Variants in MYCBP2 observed in about 807,000 individuals in gnomAD.
The protein encoded by MYCBP2 is E3 ubiquitin-protein ligase MYCBP2.
A neutral mutation model predicts 525.3 loss-of-function variants in MYCBP2; 120 were observed. The ratio of observed to expected loss-of-function variants is 0.23; its 90% CI spans 0.20 to 0.27. The LOEUF is 0.27. Ranked by LOEUF, MYCBP2 falls within the 10% of genes least tolerant of loss-of-function variation. The pLI, the probability that MYCBP2 is intolerant of heterozygous loss-of-function variation, is 1.00. For missense variants in MYCBP2, 4,149 were observed against 5,657.1 expected, an observed-to-expected ratio of 0.73 and a Z score of 8.55; for synonymous variants, 1,894 against 1,955.8, an observed-to-expected ratio of 0.97 and a Z score of 0.83.
chr13:77,160,800 T>A (rs1444916983), intron 44 of MYCBP2, among the ~76,000 whole-genome samples: 3 of 152,202 alleles, frequency 2.0e-5, no homozygotes, highest in Non-Finnish European at 4.4e-5. Context: ...CATGGCAGAA[T>A]TAGAAAAACT....
At chr13:77,305,847 A>G (rs1161955843) in intron 1 of MYCBP2, among the ~76,000 whole-genome samples, 1 of 152,166 alleles carries the variant, frequency 6.6e-6, no homozygotes, top group Non-Finnish European at 1.5e-5. Context: ...ACCACTAGTG[A>G]TGAAACTCCT....
chr13:77,203,474 G>A (rs868628380), intron 26 of MYCBP2, among the ~76,000 whole-genome samples: 44 of 152,026 alleles, frequency 2.9e-4, no homozygotes, highest in Non-Finnish European at 5.9e-4. Context: ...TACTGCCCAA[G>A]GTAATTTACA....
At chr13:77,183,962 C>T (rs112588163) in intron 32 of MYCBP2, among the ~76,000 whole-genome samples, 9 of 152,198 alleles carry the variant, frequency 5.9e-5, no homozygotes, top group African/African-American at 2.2e-4. Flanking sequence ...CAACTTTTAG[C>T]TGTGTTAATT....
chr13:77,102,368 T>C (rs1293753508), intron 55 of MYCBP2, among the ~76,000 whole-genome samples: 2 of 151,730 alleles, frequency 1.3e-5, no homozygotes, highest in South Asian at 2.1e-4. Flanking sequence ...AGCTGTTTTA[T>C]CTATTTCTAA....
intron 55 of MYCBP2, among the ~76,000 whole-genome samples, chr13:77,107,247 A>G (rs2047995995): frequency 6.6e-6 from 1 of 152,154 alleles, no homozygotes; most frequent in Non-Finnish European, 1.5e-5. Flanking sequence ...TTTATAGTTG[A>G]GGATATTTGA....
intron 7 of MYCBP2, 119 bp from the exon 8 acceptor site, chr13:77,268,056 T>G (rs1311095515): frequency 3.3e-6 from 2 of 602,418 alleles, no homozygotes; most frequent in Non-Finnish European, 5.9e-6. Context: ...TATTGATGTC[T>G]AAAAGATATT....
intron 31 of MYCBP2, 52 bp from the exon 32 acceptor site, chr13:77,185,429 T>C (rs2154252077): frequency 6.5e-6 from 10 of 1,534,720 alleles, no homozygotes; most frequent in Middle Eastern, 2.1e-4. Context: ...TAAATATGCA[T>C]GAAAACAATC....
intron 62 of MYCBP2, among the ~76,000 whole-genome samples, 166 bp from the exon 63 acceptor site, chr13:77,083,358 T>C (rs1478632431): frequency 1.3e-5 from 2 of 152,174 alleles, no homozygotes; most frequent in Non-Finnish European, 2.9e-5. Flanking sequence ...TATGCTTGTA[T>C]TATTTTAGGG....
chr13:77,199,743 C>T (rs1053145061), intron 26 of MYCBP2, among the ~76,000 whole-genome samples: 2 of 152,142 alleles, frequency 1.3e-5, no homozygotes, highest in Non-Finnish European at 2.9e-5. Flanking sequence ...CCCTGACCCT[C>T]CAGCAGCCTA....
At chr13:77,166,597 T>TAC in intron 40 of MYCBP2, 43 bp from the exon 41 acceptor site, 7 of 1,263,524 alleles carry the variant, frequency 5.5e-6, no homozygotes, top group Non-Finnish European at 5.7e-6. Flanking sequence ...GATATATATA[T>TAC]ACACAAACAT....
At chr13:77,147,704 C>T (rs1473843161) in intron 47 of MYCBP2, among the ~76,000 whole-genome samples, 1 of 152,098 alleles carries the variant, frequency 6.6e-6, no homozygotes, top group African/African-American at 2.4e-5. Flanking sequence ...ATCCATGTTT[C>T]TAGACTTTCA....
At position 77,168,489 on chromosome 13, in the gene MYCBP2, C is replaced by A. The variant is rs765020400; in HGVS notation, c.6053G>T (p.Ser2018Ile). Residue 2018 changes from serine to isoleucine, a missense_variant, in exon 40 of 83, where the codon AGT becomes ATT. Coordinates refer to ENST00000544440, the MANE Select transcript of MYCBP2 (RefSeq NM_015057.5). ...CTCACTCTCTATGACAGCATAGTGACTGGAGGTTGTACAAGCAGAGAGGCC... is the reference window on the plus strand; with the variant it reads ...CTCACTCTCTATGACAGCATAGTGAATGGAGGTTGTACAAGCAGAGAGGCC... ...EQGLSACTTS[S>I]HYAVIESEHP... 3 of 1,614,062 alleles carry A rather than the reference C, an allele frequency of 1.9e-6. No homozygotes were observed. Among genetic ancestry groups the A allele is most frequent in the Admixed American group, 1.7e-5 (1 of 60,004 alleles).
chr13:77,265,142 G>T (rs897514353), intron 8 of MYCBP2, among the ~76,000 whole-genome samples: 2 of 151,906 alleles, frequency 1.3e-5, no homozygotes, highest in Non-Finnish European at 2.9e-5. Context: ...GAGAATTCAG[G>T]GATCACAAAC....
At chr13:77,139,630 G>A (rs1039127266) in intron 51 of MYCBP2, among the ~76,000 whole-genome samples, 12 of 152,090 alleles carry the variant, frequency 7.9e-5, no homozygotes, top group Non-Finnish European at 1.6e-4. Context: ...TTTCCCAAAG[G>A]AATATGAGTC....
At chr13:77,217,370 C>T (rs1458318609) in intron 21 of MYCBP2, among the ~76,000 whole-genome samples, 1 of 151,794 alleles carries the variant, frequency 6.6e-6, no homozygotes, top group Non-Finnish European at 1.5e-5. Flanking sequence ...TGTGCACAAG[C>T]GCCTATGTAA....
chr13:77,116,623 G>A (rs1321089737), intron 55 of MYCBP2, among the ~76,000 whole-genome samples: 1 of 151,930 alleles, frequency 6.6e-6, no homozygotes, highest in Non-Finnish European at 1.5e-5. Flanking sequence ...TGGACTATAG[G>A]CAAGTAATGA....
chr13:77,318,494 GC>G (rs2081223036), intron 1 of MYCBP2, among the ~76,000 whole-genome samples: 1 of 152,130 alleles, frequency 6.6e-6, no homozygotes, highest in African/African-American at 2.4e-5. Flanking sequence ...AGTGGCTCAC[GC>G]CTGTAATCCC....
chr13:77,257,338 T>C (rs1307734848), intron 14 of MYCBP2, among the ~76,000 whole-genome samples: 2 of 152,170 alleles, frequency 1.3e-5, no homozygotes, highest in Middle Eastern at 3.4e-3. Flanking sequence ...ACAGGGTGGC[T>C]ACAGTTGGCG....
At chr13:77,094,010 G>C (rs2045848490) in intron 58 of MYCBP2, among the ~76,000 whole-genome samples, 1 of 152,062 alleles carries the variant, frequency 6.6e-6, no homozygotes, top group South Asian at 2.1e-4. Flanking sequence ...CCACTGAGTG[G>C]TGTGATTCAC....
Sources: gnomAD v4.1 joint callset for allele counts (sites outside exome capture counted in the v4.1 genomes callset) on GRCh38, gnomAD v4.1.1 for gene constraint, MANE v1.5 for transcripts, NCBI Gene and HGNC (gene_info 2026-07-23, HGNC 2026-07-21) for gene names.